The following PDZRN4 variants were observed in gnomAD, a reference collection of about 807,000 sequenced individuals.
PDZRN4 encodes the protein PDZ domain-containing RING finger protein 4.
A neutral mutation model predicts 99.0 loss-of-function variants in PDZRN4; 70 were observed. The observed-to-expected ratio is 0.71, with a 90% CI of 0.58 to 0.86. The LOEUF (loss-of-function observed/expected upper bound fraction) is 0.86. PDZRN4 is among the 40% of genes least tolerant of loss of function. PDZRN4 has a pLI of 0.00. For synonymous variants in PDZRN4, 551 were observed against 501.6 expected, an observed-to-expected ratio of 1.10 and a Z score of -1.32; for missense variants, 1,474 against 1,331.2, an observed-to-expected ratio of 1.11 and a Z score of -1.67.
At position 41,196,167 on chromosome 12, in the gene PDZRN4, T is replaced by TA. The variant is rs1950771458; in HGVS notation, c.843+1980dup. Reference sequence around the variant, plus strand: ...AATCAAGTGCATCTAGACACCTACATAGTACTGTTACTAATATATGTCAGA... The same window carrying TA: ...AATCAAGTGCATCTAGACACCTACATAAGTACTGTTACTAATATATGTCAGA... On this transcript the variant is annotated intron_variant, in intron 3 of 9. Transcript: ENST00000402685. 2.6e-5 allele frequency among the ~76,000 whole-genome samples: 4 copies of TA among 152,092 alleles called. No homozygotes were observed. In the South Asian group the frequency reaches 8.3e-4, roughly 31 times the overall value.
At chr12:41,212,097 G>C (rs1219922940) in intron 3 of PDZRN4, among the ~76,000 whole-genome samples, 1 of 151,882 alleles carries the variant, frequency 6.6e-6, no homozygotes, top group African/African-American at 2.4e-5. Context: ...TGAATCTCAT[G>C]TTAACTCAAT....
At chr12:41,507,656 T>A (rs1051002249) in intron 4 of PDZRN4, among the ~76,000 whole-genome samples, 21 of 151,994 alleles carry the variant, frequency 1.4e-4, no homozygotes, top group African/African-American at 5.1e-4. Context: ...TAAATGAGAA[T>A]TCTTAGAGTA....
intron 3 of PDZRN4, among the ~76,000 whole-genome samples, chr12:41,201,333 C>A (rs1369031115): frequency 1.3e-5 from 2 of 152,082 alleles, no homozygotes. Flanking sequence ...CTCCTGGAAG[C>A]CCTTTGCAAT....
intron 3 of PDZRN4, among the ~76,000 whole-genome samples, chr12:41,443,194 C>T (rs1371123851): frequency 3.3e-5 from 5 of 151,978 alleles, no homozygotes; most frequent in Admixed American, 6.6e-5. Context: ...AGAGAATGTT[C>T]AATTTAACCT....
At chr12:41,542,815 GT>G (rs146148211) in intron 5 of PDZRN4, among the ~76,000 whole-genome samples, 53 of 150,982 alleles carry the variant, frequency 3.5e-4, no homozygotes, top group Admixed American at 2.3e-3. Flanking sequence ...TCATAATTAT[GT>G]TTTTTTTTCT....
rs182325825 is a variant in PDZRN4, at chr12:41,372,881, C to T, written c.844-133575C>T. Among the ~76,000 whole-genome samples, 11 of 152,044 alleles carry T rather than the reference C, an allele frequency of 7.2e-5. No individual in the cohort carries two copies. The East Asian group carries it at 1.2e-3, about 16-fold the overall frequency. ...CAGGATGAATTTAAAAAGCTTTTAC[C>T]CACCACAGATATCAGGCGAAATTCA... is the stretch of plus-strand genomic sequence containing the variant. On this transcript the variant is annotated intron_variant, in intron 3 of 9. Coordinates refer to ENST00000402685, the MANE Select transcript of PDZRN4 (RefSeq NM_001164595.2).
chr12:41,350,574 CAT>C (rs1189519231), intron 3 of PDZRN4, among the ~76,000 whole-genome samples: 1 of 151,946 alleles, frequency 6.6e-6, no homozygotes, highest in Non-Finnish European at 1.5e-5. Context: ...AATAGAAACG[CAT>C]TCTCAAGAGG....
At chr12:41,342,169 C>G (rs1445613439) in intron 3 of PDZRN4, among the ~76,000 whole-genome samples, 1 of 151,816 alleles carries the variant, frequency 6.6e-6, no homozygotes, top group African/African-American at 2.4e-5. Context: ...ATACTCAGCC[C>G]CTACGTCTCA....
intron 3 of PDZRN4, among the ~76,000 whole-genome samples, chr12:41,231,697 C>T (rs1213604152): frequency 6.6e-6 from 1 of 151,956 alleles, no homozygotes; most frequent in Non-Finnish European, 1.5e-5. Flanking sequence ...TTTTATAGGG[C>T]CCAGCCCTAA....
At chr12:41,259,108 A>G (rs1406881433) in intron 3 of PDZRN4, among the ~76,000 whole-genome samples, 2 of 152,152 alleles carry the variant, frequency 1.3e-5, no homozygotes, top group East Asian at 3.8e-4. Flanking sequence ...TACCAAAAGT[A>G]TAATGGATAA....
chr12:41,427,533 T>C (rs1001157945), intron 3 of PDZRN4, among the ~76,000 whole-genome samples: 4 of 152,180 alleles, frequency 2.6e-5, no homozygotes, highest in Non-Finnish European at 4.4e-5. Context: ...TCTAGATTAC[T>C]TCAAAGTCTA....
intron 3 of PDZRN4, among the ~76,000 whole-genome samples, chr12:41,492,371 A>G (rs750276992): frequency 1.2e-4 from 19 of 152,192 alleles, no homozygotes; most frequent in Admixed American, 2.0e-4. Flanking sequence ...ACAAAAATTA[A>G]GAAAAGGGTC....
chr12:41,292,496 T>C (rs1468301426), intron 3 of PDZRN4, among the ~76,000 whole-genome samples: 2 of 152,114 alleles, frequency 1.3e-5, no homozygotes, highest in African/African-American at 4.8e-5. Context: ...CATTTGAGGT[T>C]TTTTCTTGAT....
At chr12:41,278,802 A>G (rs141305690) in intron 3 of PDZRN4, among the ~76,000 whole-genome samples, 149 of 152,246 alleles carry the variant, frequency 9.8e-4, no homozygotes, top group African/African-American at 3.4e-3. Flanking sequence ...GAACTTTCTA[A>G]TTTCTAAATA....
chr12:41,268,504 A>C (rs961828697), intron 3 of PDZRN4, among the ~76,000 whole-genome samples: 2 of 152,236 alleles, frequency 1.3e-5, no homozygotes, highest in Non-Finnish European at 2.9e-5. Flanking sequence ...TAAACAAATT[A>C]GAATTACCAG....
At chr12:41,207,870 C>A (rs535575803) in intron 3 of PDZRN4, among the ~76,000 whole-genome samples, 1 of 151,378 alleles carries the variant, frequency 6.6e-6, no homozygotes, top group Non-Finnish European at 1.5e-5. Flanking sequence ...TTGTGGAGAC[C>A]TATGGAGTTG....
intron 3 of PDZRN4, chr12:41,411,480 C>T (rs1952399677): frequency 6.6e-6 from 1 of 152,160 alleles, no homozygotes; most frequent in Non-Finnish European, 1.5e-5. Context: ...TGTCATTGAT[C>T]AGACTGACTT....
At chr12:41,305,926 AT>A (rs1366446055) in intron 3 of PDZRN4, among the ~76,000 whole-genome samples, 3 of 152,216 alleles carry the variant, frequency 2.0e-5, no homozygotes, top group Non-Finnish European at 2.9e-5. Context: ...TCAAGGTACA[AT>A]TCCTCTGGAA....
chr12:41,282,982 A>G (rs1951398728), intron 3 of PDZRN4, among the ~76,000 whole-genome samples: 1 of 152,220 alleles, frequency 6.6e-6, no homozygotes, highest in Non-Finnish European at 1.5e-5. Context: ...GCAAGAGCAA[A>G]CAAATTCAAA....
Sources: allele counts gnomAD v4.1 joint callset (sites outside exome capture counted in the v4.1 genomes callset), GRCh38; gene constraint gnomAD v4.1.1; transcripts MANE v1.5; gene names NCBI Gene and HGNC (gene_info 2026-07-23, HGNC 2026-07-21).